Variants in CIMAP2 observed in about 807,000 individuals in gnomAD.
The protein encoded by CIMAP2 is ciliary microtubule associated protein 2.
the CIMAP2 span, among the ~76,000 whole-genome samples, chr1:54,818,854 A>G: frequency 0.41 from 61,895 of 151,902 alleles, 13,451 homozygotes; most frequent in East Asian, 0.56. Flanking sequence ...CAGCCTCCCA[A>G]CGTGCTGGGA....
chr1:54,839,569 G>C, the CIMAP2 span, among the ~76,000 whole-genome samples: 11 of 151,848 alleles, frequency 7.2e-5, no homozygotes, highest in African/African-American at 2.7e-4. Context: ...GTAGAGACAG[G>C]GTTTCGCCAT....
chr1:54,832,860 C>T, the CIMAP2 span, among the ~76,000 whole-genome samples: 1 of 151,942 alleles, frequency 6.6e-6, no homozygotes, highest in African/African-American at 2.4e-5. Context: ...AGACCTGTCT[C>T]TACAGAAAAT....
At chr1:54,824,297 C>T in the CIMAP2 span, among the ~76,000 whole-genome samples, 1 of 152,096 alleles carries the variant, frequency 6.6e-6, no homozygotes, top group Non-Finnish European at 1.5e-5. Flanking sequence ...CAAAGTGCTG[C>T]GATTACAGGT....
At chr1:54,811,841 C>T in the CIMAP2 span, 17,855 of 1,515,472 alleles carry the variant, frequency 0.012, 662 homozygotes, top group East Asian at 0.15. Flanking sequence ...GTAACCCATA[C>T]ACCAAGCTGG....
At chr1:54,807,479 G>A in the CIMAP2 span, 1 of 1,454,898 alleles carries the variant, frequency 6.9e-7, no homozygotes. Context: ...TCTGTGGGTA[G>A]ACTGGGCGGG....
chr1:54,836,251 C>A, the CIMAP2 span, among the ~76,000 whole-genome samples: 1 of 151,716 alleles, frequency 6.6e-6, no homozygotes, highest in Non-Finnish European at 1.5e-5. Context: ...CTCCCTCCCT[C>A]CCCCTTCGCC....
At chr1:54,829,575 C>T in the CIMAP2 span, among the ~76,000 whole-genome samples, 8 of 152,284 alleles carry the variant, frequency 5.3e-5, no homozygotes, top group African/African-American at 1.9e-4. Flanking sequence ...AAAAACCTGC[C>T]CTGTGCTTGG....
the CIMAP2 span, among the ~76,000 whole-genome samples, chr1:54,841,060 A>G: frequency 0.2 from 29,996 of 152,108 alleles, 3,079 homozygotes; most frequent in East Asian, 0.35. Context: ...ATGGAGAGAC[A>G]GGAGGTGTGG....
At chr1:54,807,202 C>A in the CIMAP2 span, 1 of 1,156,546 alleles carries the variant, frequency 8.6e-7, no homozygotes, top group Non-Finnish European at 1.3e-6. Context: ...CTTCTTCCAG[C>A]ACAGAGCTGG....
the CIMAP2 span, chr1:54,811,766 C>CCGGGGGGGGGGCCG: frequency 1.5e-6 from 2 of 1,305,190 alleles, no homozygotes; most frequent in Non-Finnish European, 2.2e-6. Flanking sequence ...GTTCTGACAG[C>CCGGGGGGGGGGCCG]CTCCATGCCC....
the CIMAP2 span, among the ~76,000 whole-genome samples, chr1:54,810,171 G>C: frequency 2.0e-5 from 3 of 152,186 alleles, no homozygotes; most frequent in African/African-American, 7.2e-5. Context: ...AAGTCTCCCA[G>C]GTCCTGTGGT....
chr1:54,824,753 T>G, the CIMAP2 span, among the ~76,000 whole-genome samples: 1 of 152,068 alleles, frequency 6.6e-6, no homozygotes, highest in African/African-American at 2.4e-5. Context: ...GATATCTTTT[T>G]GTTGAATCTC....
chr1:54,837,853 A>G, the CIMAP2 span, among the ~76,000 whole-genome samples: 1 of 152,076 alleles, frequency 6.6e-6, no homozygotes, highest in African/African-American at 2.4e-5. Flanking sequence ...AGCCAGGAGA[A>G]CAGATTTTCT....
At chr1:54,814,867 CA>C in the CIMAP2 span, 3 of 1,611,680 alleles carry the variant, frequency 1.9e-6, no homozygotes, top group African/African-American at 4.0e-5. Context: ...CCCAGGCTGA[CA>C]CTGCCAGAGC....
chr1:54,811,765 G>GCGGGGGGGGGCCCCCCCC, the CIMAP2 span: 1 of 1,301,326 alleles, frequency 7.7e-7, no homozygotes, highest in Non-Finnish European at 1.1e-6. Flanking sequence ...GGTTCTGACA[G>GCGGGGGGGGGCCCCCCCC]CCTCCATGCC....
At chr1:54,807,536 G>T in the CIMAP2 span, 4 of 1,570,660 alleles carry the variant, frequency 2.5e-6, no homozygotes, top group Admixed American at 3.8e-5. Context: ...TCCCACATAG[G>T]CCCTGGGACT....
chr1:54,818,293 C>T, the CIMAP2 span, among the ~76,000 whole-genome samples: 11 of 152,108 alleles, frequency 7.2e-5, no homozygotes, highest in African/African-American at 2.7e-4. Flanking sequence ...TGACGATTTC[C>T]TCTCCTCTGT....
chr1:54,808,424 A>G, the CIMAP2 span, among the ~76,000 whole-genome samples: 1 of 152,122 alleles, frequency 6.6e-6, no homozygotes, highest in African/African-American at 2.4e-5. Flanking sequence ...AGGCATTGGA[A>G]GCAGCAGAGG....
the CIMAP2 span, among the ~76,000 whole-genome samples, chr1:54,825,834 T>A: frequency 6.6e-6 from 1 of 151,912 alleles, no homozygotes; most frequent in South Asian, 2.1e-4. Flanking sequence ...GTGCCAGCAG[T>A]GGCAGTGGTG....
Sources: allele counts gnomAD v4.1 joint callset (sites outside exome capture counted in the v4.1 genomes callset), GRCh38; gene constraint gnomAD v4.1.1; transcripts MANE v1.5; gene names NCBI Gene and HGNC (gene_info 2026-07-23, HGNC 2026-07-21).